The following NME7 variants were observed in gnomAD, a reference collection of about 807,000 sequenced individuals.
NME7 encodes the protein NME/NM23 family member 7.
NME7 carries 41 observed loss-of-function variants against 49.1 expected under a neutral mutation model. The observed-to-expected ratio is 0.83, with a 90% CI of 0.65 to 1.08. NME7 has a LOEUF of 1.08. Ranked by LOEUF, NME7 falls within the 50% of genes least tolerant of loss-of-function variation. NME7 has a pLI of 0.00. For synonymous variants in NME7, 139 were observed against 150.6 expected (o/e 0.92, Z 0.56); for missense variants, 423 against 463.4 (o/e 0.91, Z 0.80).
Position 169,142,785 on chromosome 1 carries a change from A to T in NME7, c.1099-9968T>A, listed in dbSNP as rs73033767. ...AAGGGGTTTAGAGGAGGGCCTCTCA[A>T]TCTTTGTCACCTCATGGTGCACCTA... On this transcript the variant is annotated intron_variant, in intron 11 of 11. Coordinates refer to ENST00000367811, the MANE Select transcript of NME7 (RefSeq NM_013330.5). Among the ~76,000 whole-genome samples the T allele has an allele frequency of 5.5e-3, 835 of 152,260 alleles. 5 individuals carry two copies. The highest frequency in any genetic ancestry group is 0.019 in the African/African-American group (785 of 41,534).
At chr1:169,342,729 A>G (rs1340766546) in intron 1 of NME7, among the ~76,000 whole-genome samples, 1 of 44,332 alleles carries the variant, frequency 2.3e-5, no homozygotes, top group African/African-American at 1.2e-4. Context: ...TATATATAGT[A>G]TATATATATA....
chr1:169,323,084 G>A, intron 3 of NME7, 33 bp downstream of exon 3: 1 of 1,475,372 alleles, frequency 6.8e-7, no homozygotes, highest in Non-Finnish European at 9.0e-7. Flanking sequence ...CAAAGTTAGA[G>A]CATGTAAAAA....
chr1:169,362,949 A>G (rs1483612771), intron 1 of NME7, among the ~76,000 whole-genome samples: 2 of 152,172 alleles, frequency 1.3e-5, no homozygotes, highest in Non-Finnish European at 2.9e-5. Context: ...CTTTTAAACT[A>G]TATATTAGCT....
At chr1:169,148,163 T>C (rs1319882604) in intron 11 of NME7, among the ~76,000 whole-genome samples, 1 of 152,096 alleles carries the variant, frequency 6.6e-6, no homozygotes, top group Non-Finnish European at 1.5e-5. Context: ...TTACCACACC[T>C]GGCTAATTTT....
chr1:169,329,980 A>G (rs1652195703), intron 1 of NME7, among the ~76,000 whole-genome samples: 1 of 152,214 alleles, frequency 6.6e-6, no homozygotes. Flanking sequence ...GAGCTCCAAT[A>G]CATCTAGCAA....
At chr1:169,139,817 G>A (rs1205375346) in intron 11 of NME7, among the ~76,000 whole-genome samples, 3 of 152,178 alleles carry the variant, frequency 2.0e-5, no homozygotes, top group African/African-American at 7.2e-5. Context: ...GTCATGAACA[G>A]CAGAGGCAGA....
At chr1:169,186,636 T>C (rs1234086141) in intron 10 of NME7, among the ~76,000 whole-genome samples, 1 of 152,138 alleles carries the variant, frequency 6.6e-6, no homozygotes, top group Non-Finnish European at 1.5e-5. Context: ...TTTTATTGTG[T>C]CTATTTGAAT....
At chr1:169,138,300 G>C (rs1173315691) in intron 11 of NME7, among the ~76,000 whole-genome samples, 2 of 145,918 alleles carry the variant, frequency 1.4e-5, no homozygotes, top group Non-Finnish European at 3.0e-5. Context: ...GACAGGGCGA[G>C]ACTCCTCAAA....
intron 6 of NME7, among the ~76,000 whole-genome samples, chr1:169,289,859 C>A (rs1650431289): frequency 6.6e-6 from 1 of 151,964 alleles, no homozygotes. Context: ...GCAATTAATT[C>A]AAAGTCTTTA....
At chr1:169,323,877 T>C (rs1375387959) in intron 2 of NME7, among the ~76,000 whole-genome samples, 1 of 129,742 alleles carries the variant, frequency 7.7e-6, no homozygotes, top group Non-Finnish European at 1.6e-5. Flanking sequence ...AAGAGTCTCA[T>C]GCAGTCGCCC....
intron 3 of NME7, among the ~76,000 whole-genome samples, chr1:169,315,654 CA>C (rs1356711079): frequency 6.6e-6 from 1 of 152,096 alleles, no homozygotes; most frequent in Non-Finnish European, 1.5e-5. Flanking sequence ...AGGCAAAAAT[CA>C]TGAAGAATAT....
At chr1:169,177,722 C>A (rs1008088523) in intron 10 of NME7, among the ~76,000 whole-genome samples, 1 of 152,266 alleles carries the variant, frequency 6.6e-6, no homozygotes, top group African/African-American at 2.4e-5. Context: ...CAACCCCTTC[C>A]AACTTTTCAA....
chr1:169,257,711 A>T (rs188998387), intron 7 of NME7, among the ~76,000 whole-genome samples: 15 of 134,206 alleles, frequency 1.1e-4, no homozygotes, highest in African/African-American at 3.8e-4. Context: ...TAGCATTTTC[A>T]ATAGAGCTGG....
At chr1:169,232,045 G>T (rs189777825) in intron 9 of NME7, among the ~76,000 whole-genome samples, 49 of 152,124 alleles carry the variant, frequency 3.2e-4, no homozygotes, top group South Asian at 6.2e-4. Flanking sequence ...GACATAAAAA[G>T]GATATCCAAA....
At chr1:169,297,913 T>C (rs559131565) in intron 6 of NME7, among the ~76,000 whole-genome samples, 30 of 152,168 alleles carry the variant, frequency 2.0e-4, no homozygotes, top group Non-Finnish European at 3.7e-4. Context: ...CTGAAGGGAC[T>C]TGCTGATGAA....
intron 10 of NME7, among the ~76,000 whole-genome samples, chr1:169,229,815 A>T (rs1438180898): frequency 6.6e-6 from 1 of 152,122 alleles, no homozygotes; most frequent in Non-Finnish European, 1.5e-5. Context: ...ACAAAAGATT[A>T]GCCAGGCGGG....
Position 169,269,273 on chromosome 1 carries a change from G to C in NME7, c.754+18030C>G, listed in dbSNP as rs182068557. On this transcript the variant is annotated intron_variant, in intron 7 of 11. Coordinates refer to ENST00000367811, the MANE Select transcript of NME7 (RefSeq NM_013330.5). ...CTAAGCTCTGTGCATTCAAAGTCAG[G>C]GTCCTAACATGTAGTTCAGTGTACT... Among the ~76,000 whole-genome samples the C allele has an allele frequency of 2.3e-5, 3 of 132,856 alleles. 1 individual carries two copies. The East Asian group carries it at 6.0e-4, about 27-fold the overall frequency. 87.2% of individuals were successfully genotyped at this position (132,856 alleles called of 152,430 possible).
At chr1:169,305,839 G>A (rs1033295897) in intron 4 of NME7, among the ~76,000 whole-genome samples, 6 of 152,114 alleles carry the variant, frequency 3.9e-5, no homozygotes, top group African/African-American at 7.2e-5. Context: ...AAAGTCTTTT[G>A]TCTCTGACCC....
At chr1:169,203,827 C>A (rs1002491849) in intron 10 of NME7, among the ~76,000 whole-genome samples, 1 of 151,968 alleles carries the variant, frequency 6.6e-6, no homozygotes, top group Non-Finnish European at 1.5e-5. Flanking sequence ...TGTCTGATCC[C>A]GCATCCCCTC....
Sources: allele counts gnomAD v4.1 joint callset (sites outside exome capture counted in the v4.1 genomes callset), GRCh38; gene constraint gnomAD v4.1.1; transcripts MANE v1.5; gene names NCBI Gene and HGNC (gene_info 2026-07-23, HGNC 2026-07-21).